Variants in ZBTB46 observed in about 807,000 individuals in gnomAD.
ZBTB46 encodes zinc finger and BTB domain-containing protein 46.
In ZBTB46, 8 loss-of-function variants were observed where a neutral mutation model predicts 44.1. The ratio of observed to expected loss-of-function variants is 0.18; its 90% CI spans 0.11 to 0.33. ZBTB46 has a LOEUF of 0.33. ZBTB46 is among the 10% of genes least tolerant of loss of function. The probability of loss-of-function intolerance (pLI) is 1.00; values close to 1 mark genes in which losing one functional copy is unlikely to be tolerated. For synonymous variants in ZBTB46, 409 were observed against 382.3 expected (o/e 1.07, Z -0.81); for missense variants, 651 against 847.7 (o/e 0.77, Z 2.88).
In ZBTB46 at chr20:63,790,552, T is replaced by C; in HGVS notation, c.206A>G (p.Gln69Arg). 6.2e-7 allele frequency: 1 copy of C among 1,613,348 alleles called. No individual in the cohort carries two copies. Reference protein sequence around the residue: ...LYCQVQKTSEQATVTHLDIVT... With the variant: ...LYCQVQKTSERATVTHLDIVT... ...GATGTCCAGGTGCGTGACCGTGGCCTGCTCCGACGTCTTCTGCACCTGGCA... is the reference window on the plus strand; with the variant it reads ...GATGTCCAGGTGCGTGACCGTGGCCCGCTCCGACGTCTTCTGCACCTGGCA... Residue 69 changes from glutamine (Q) to arginine (R), a missense_variant, in exon 2 of 5, where the codon CAG becomes CGG. By Grantham distance (43) the Gln-to-Arg change is conservative (BLOSUM62 1). Around this residue, in one of 5 missense-constraint regions of ZBTB46, gnomAD observed 65 missense variants for 167.9 expected, o/e 0.39. Transcript: ENST00000245663.
rs35043743 is a variant in ZBTB46, at chr20:63,813,447, C to CAAAA, written c.-34+17646_-34+17649dup. Among the ~76,000 whole-genome samples, 5 of 141,552 alleles carry CAAAA rather than the reference C, an allele frequency of 3.5e-5. No individual in the cohort carries two copies. In the East Asian group the frequency reaches 6.1e-4, roughly 17 times the overall value. The allele number at this position is 141,552 out of a possible 152,430, so 92.9% of individuals were successfully genotyped here. The stretch of plus-strand genomic sequence containing the variant: ...CTGGAGACAGAGCAAGACTCCATCT[C>CAAAA]AAAAAAAAAAAATAAATAAATAAAT... On this transcript the variant is annotated intron_variant, in intron 1 of 4. Coordinates refer to ENST00000245663, the MANE Select transcript of ZBTB46 (RefSeq NM_001369741.1).
chr20:63,818,871 C>CAA (rs141702422), intron 1 of ZBTB46, among the ~76,000 whole-genome samples: 2,736 of 79,900 alleles, frequency 0.034, 133 homozygotes, highest in African/African-American at 0.12. Context: ...AACTCCAGCT[C>CAA]AAAAAAAAAA....
intron 2 of ZBTB46, among the ~76,000 whole-genome samples, chr20:63,784,383 G>A (rs1054329826): frequency 1.3e-5 from 2 of 152,184 alleles, no homozygotes; most frequent in African/African-American, 4.8e-5. Context: ...TGGAGCTCCC[G>A]CAGTTCTGAT....
At position 63,790,484 on chromosome 20, in the gene ZBTB46, A is replaced by T. The variant is rs767867438; in HGVS notation, c.274T>A (p.Ser92Thr). ...GFKAIIDFMY[S>T]AHLALTSRNV... is the part of the protein sequence containing the mutation. ...CTGCTGGTGAGCGCCAGGTGCGCTG[A>T]GTACATGAAGTCGATGATGGCCTTG... Residue 92 changes from serine to threonine, a missense_variant, in exon 2 of 5, where the codon TCA becomes ACA. By Grantham distance (58) the Ser-to-Thr change is moderately conservative. Coordinates refer to ENST00000245663, the MANE Select transcript of ZBTB46 (RefSeq NM_001369741.1). 6.2e-7 allele frequency: 1 copy of T among 1,613,316 alleles called. No homozygotes were observed.
chr20:63,780,981 A>AT lies in ZBTB46; in HGVS notation c.938-5020_938-5019insA, dbSNP rs201079653. On this transcript the variant is annotated intron_variant, in intron 2 of 4. Coordinates refer to ENST00000245663, the MANE Select transcript of ZBTB46 (RefSeq NM_001369741.1). ...CCATCTCTACTAAAAAAAAAAAAAA[A>AT]AATACAAAAATTAGCTGGGCGCGGT... 6.1e-5 allele frequency among the ~76,000 whole-genome samples: 7 copies of AT among 114,012 alleles called. No homozygotes were observed. The East Asian group carries it at 9.2e-4, about 15-fold the overall frequency. The allele number at this position is 114,012 out of a possible 152,430, so 74.8% of individuals were successfully genotyped here. A position where few individuals can be genotyped will look rare whatever the true frequency, so the allele number is the denominator to read the frequency against.
intron 3 of ZBTB46, among the ~76,000 whole-genome samples, chr20:63,760,814 C>T (rs949069114): frequency 2.1e-5 from 3 of 145,506 alleles, no homozygotes; most frequent in South Asian, 2.1e-4. Context: ...TGTTCACTTT[C>T]GGTTTTGGGG....
intron 1 of ZBTB46, among the ~76,000 whole-genome samples, chr20:63,805,680 C>T (rs184930109): frequency 2.4e-4 from 36 of 152,188 alleles, no homozygotes; most frequent in Admixed American, 7.2e-4. Flanking sequence ...CCTCTGCTGC[C>T]GCGAGCTGCC....
intron 2 of ZBTB46, among the ~76,000 whole-genome samples, chr20:63,777,143 G>A (rs558032140): frequency 2.0e-5 from 3 of 149,922 alleles, no homozygotes; most frequent in African/African-American, 4.9e-5. Flanking sequence ...TCCAGCACAC[G>A]CCACGGTTCC....
chr20:63,773,796 C>A (rs1015449199), intron 3 of ZBTB46, among the ~76,000 whole-genome samples: 2 of 152,182 alleles, frequency 1.3e-5, no homozygotes, highest in Non-Finnish European at 2.9e-5. Context: ...GCCCACGAAA[C>A]GTGCCCAGCG....
intron 3 of ZBTB46, chr20:63,769,273 G>C (rs977214244): frequency 1.0e-6 from 1 of 985,300 alleles, no homozygotes; most frequent in Admixed American, 6.1e-5. Flanking sequence ...GGCTGTGCCG[G>C]CTCCCTGGGC....
intron 2 of ZBTB46, among the ~76,000 whole-genome samples, chr20:63,782,086 CAA>C (rs66508825): frequency 2.1e-5 from 1 of 46,852 alleles, no homozygotes; most frequent in African/African-American, 8.1e-5. Flanking sequence ...GACTCCGTCT[CAA>C]AAAAAAAAAA....
chr20:63,771,386 G>A (rs2092370357), intron 3 of ZBTB46, among the ~76,000 whole-genome samples: 1 of 152,188 alleles, frequency 6.6e-6, no homozygotes, highest in South Asian at 2.1e-4. Context: ...CCCTCCAGAA[G>A]GAGGGGAGGG....
intron 3 of ZBTB46, among the ~76,000 whole-genome samples, chr20:63,768,823 C>T (rs1337563790): frequency 1.3e-5 from 2 of 152,024 alleles, no homozygotes; most frequent in African/African-American, 2.4e-5. Flanking sequence ...CAGTGGCCTC[C>T]GAGTCGGGGG....
chr20:63,766,099 C>T lies in ZBTB46; in HGVS notation c.1222+9579G>A, dbSNP rs533716563. On this transcript the variant is annotated intron_variant, in intron 3 of 4. Coordinates refer to ENST00000245663, the MANE Select transcript of ZBTB46 (RefSeq NM_001369741.1). ...CACTAGGGTGTGCCCTGCCCATGAA[C>T]GCAGAGCCCAGGCGTGGACTAATCT... 2.0e-4 allele frequency among the ~76,000 whole-genome samples: 31 copies of T among 152,080 alleles called. No homozygotes were observed. In the East Asian group the frequency reaches 2.3e-3, roughly 11 times the overall value.
Position 63,800,462 on chromosome 20 carries a change from G to A in ZBTB46, c.-33-9672C>T, listed in dbSNP as rs145228490. ...CTCGACCTCAGCGCCCACTCTGGCT[G>A]CACTTGAGGAGCCCTTCAGCCCGCT... On this transcript the variant is annotated intron_variant, in intron 1 of 4. Transcript: ENST00000245663. Among the ~76,000 whole-genome samples, 488 of 152,360 alleles carry A rather than the reference G, an allele frequency of 3.2e-3. 2 individuals carry two copies. Among genetic ancestry groups the A allele is most frequent in the African/African-American group, 0.011 (445 of 41,586 alleles).
chr20:63,816,335 C>T (rs2092758140), intron 1 of ZBTB46: 1 of 193,784 alleles, frequency 5.2e-6, no homozygotes, highest in Non-Finnish European at 1.1e-5. Flanking sequence ...CCCACCCACC[C>T]CGTGTCTCTC....
intron 1 of ZBTB46, among the ~76,000 whole-genome samples, chr20:63,817,705 G>A (rs540927769): frequency 5.4e-4 from 77 of 143,098 alleles, no homozygotes; most frequent in Non-Finnish European, 1.0e-3. Flanking sequence ...AGCAGAGTGA[G>A]ACTCTGTCTC....
chr20:63,821,461 C>T (rs1442399272), intron 1 of ZBTB46, among the ~76,000 whole-genome samples: 7 of 140,178 alleles, frequency 5.0e-5, no homozygotes, highest in African/African-American at 8.2e-5. Flanking sequence ...TTTTCTGAGA[C>T]GGAGTTTCCC....
rs1412657641 is a variant in ZBTB46, at chr20:63,790,222, T to A, written c.536A>T (p.Asn179Ile). ...PWLARRTSPA[N>I]SSGDSAIASC... ...GGCGATGGCCGAGTCTCCGGAAGAA[T>A]TGGCAGGACTCGTTCGCCGTGCCAG... The change falls in exon 2 of 5, where the codon AAT becomes ATT. Residue 179 changes from asparagine to isoleucine, a missense_variant. By Grantham distance (149) the Asn-to-Ile change is moderately radical. This residue lies in a region of ZBTB46 where 385 missense variants were observed against 423.3 expected (regional missense o/e 0.91). Transcript: ENST00000245663. The A allele has an allele frequency of 6.2e-7, 1 of 1,611,974 alleles. No homozygotes were observed. The highest frequency in any genetic ancestry group is 1.7e-5 in the Admixed American group (1 of 59,942).
Sources: gnomAD v4.1 joint callset for allele counts (sites outside exome capture counted in the v4.1 genomes callset) on GRCh38, gnomAD v4.1.1 for gene constraint, gnomAD v4.1.1 regional missense constraint, MANE v1.5 for transcripts, NCBI Gene and HGNC (gene_info 2026-07-23, HGNC 2026-07-21) for gene names.